LRP1B: variants seen among roughly 807,000 people sequenced by gnomAD.
The protein encoded by LRP1B is LDL receptor related protein 1B, also known as low-density lipoprotein receptor-related protein 1B.
In LRP1B, 217 loss-of-function variants were observed where a neutral mutation model predicts 556.6. The observed-to-expected ratio is 0.39, with a 90% CI of 0.35 to 0.44. LRP1B has a LOEUF of 0.44. LRP1B is among the 20% of genes least tolerant of loss of function. The pLI, the probability that LRP1B is intolerant of heterozygous loss-of-function variation, is 1.00. For synonymous variants in LRP1B, 2,047 were observed against 1,865.8 expected (o/e 1.10, Z -2.50); for missense variants, 5,053 against 5,620.8 (o/e 0.90, Z 3.23).
intron 6 of LRP1B, among the ~76,000 whole-genome samples, chr2:141,223,888 T>C (rs1168451193): frequency 6.6e-6 from 1 of 152,142 alleles, no homozygotes; most frequent in East Asian, 1.9e-4. Context: ...TAACTCAAGA[T>C]GGATTAAAGA....
At chr2:141,498,720 G>T (rs1195177148) in intron 2 of LRP1B, among the ~76,000 whole-genome samples, 3 of 152,014 alleles carry the variant, frequency 2.0e-5, no homozygotes, top group Non-Finnish European at 4.4e-5. Context: ...TATCTTTTCA[G>T]TCATTCCAGG....
chr2:142,107,794 A>ATTTT (rs67962280), intron 1 of LRP1B, among the ~76,000 whole-genome samples: 15 of 110,558 alleles, frequency 1.4e-4, no homozygotes, highest in African/African-American at 2.0e-4. Flanking sequence ...CGCCTAGCTA[A>ATTTT]TTTTTTTTTT....
At chr2:141,030,266 AG>A (rs1698329636) in intron 11 of LRP1B, among the ~76,000 whole-genome samples, 2 of 152,156 alleles carry the variant, frequency 1.3e-5, no homozygotes, top group Non-Finnish European at 2.9e-5. Context: ...TACTTTGAAA[AG>A]AAAAATGTTA....
chr2:142,059,257 G>C (rs1008611827), intron 1 of LRP1B, among the ~76,000 whole-genome samples: 1 of 152,048 alleles, frequency 6.6e-6, no homozygotes, highest in Non-Finnish European at 1.5e-5. Context: ...TATACTAAAA[G>C]TCATAATGAC....
intron 77 of LRP1B, among the ~76,000 whole-genome samples, chr2:140,347,978 G>A (rs1681769503): frequency 6.6e-6 from 1 of 151,904 alleles, no homozygotes; most frequent in African/African-American, 2.4e-5. Flanking sequence ...TAATTCATAA[G>A]ATAGAAAATC....
At chr2:141,488,908 TGA>T (rs1420700918) in intron 2 of LRP1B, among the ~76,000 whole-genome samples, 1 of 151,988 alleles carries the variant, frequency 6.6e-6, no homozygotes, top group Non-Finnish European at 1.5e-5. Flanking sequence ...AAGTTATACA[TGA>T]AGATTTCTAA....
chr2:141,818,572 T>G (rs1161611833), intron 1 of LRP1B, among the ~76,000 whole-genome samples: 1 of 139,006 alleles, frequency 7.2e-6, no homozygotes, highest in African/African-American at 2.7e-5. Context: ...AGTCTTGCTC[T>G]GTCACCCAGG....
At chr2:140,419,002 T>C (rs192456815) in intron 66 of LRP1B, among the ~76,000 whole-genome samples, 3,022 of 152,256 alleles carry the variant, frequency 0.02, 45 homozygotes, top group Non-Finnish European at 0.023. Flanking sequence ...GCTTTGCCTA[T>C]GGACTAAATA....
At chr2:141,879,416 C>T in intron 1 of LRP1B, among the ~76,000 whole-genome samples, 1 of 151,856 alleles carries the variant, frequency 6.6e-6, no homozygotes, top group East Asian at 1.9e-4. Flanking sequence ...GACAAAAATA[C>T]ATTAATTTTC....
intron 35 of LRP1B, among the ~76,000 whole-genome samples, chr2:140,753,097 T>C (rs1479386049): frequency 6.6e-6 from 1 of 152,280 alleles, no homozygotes; most frequent in African/African-American, 2.4e-5. Context: ...TAGTTTTACA[T>C]TTTCAAAAAA....
In LRP1B at chr2:140,716,096, A is replaced by G. The variant is rs1330799095; in HGVS notation, c.5900T>C (p.Ile1967Thr). 5 of 1,590,004 alleles carry G rather than the reference A, an allele frequency of 3.1e-6. No individual in the cohort carries two copies. The highest frequency in any genetic ancestry group is 2.6e-6 in the Non-Finnish European group (3 of 1,163,926). Reference sequence around the variant, plus strand: ...GTTGAAACCATGATCTGTCCAATATATGTTACCTAGGAGAAATAATAGAGG... The same window carrying G: ...GTTGAAACCATGATCTGTCCAATATGTGTTACCTAGGAGAAATAATAGAGG... ...GIAVDWIAGN[I>T]YWTDHGFNLI... Residue 1967 changes from isoleucine (I) to threonine (T), a missense_variant, in exon 37 of 91, where the codon ATA (isoleucine) becomes ACA (threonine). Transcript: ENST00000389484.
In LRP1B at chr2:140,905,355, C is replaced by A. The variant is rs146251087; in HGVS notation, c.3521-2190G>T. On this transcript the variant is annotated intron_variant, in intron 22 of 90. Coordinates refer to ENST00000389484, the MANE Select transcript of LRP1B (RefSeq NM_018557.3). ...CCACATTAAATTGTCTGCCTGAGAA[C>A]GCTCATGATGATAGGCAGATAGGCC... Among the ~76,000 whole-genome samples the A allele has an allele frequency of 1.3e-3, 201 of 152,200 alleles. 4 individuals are homozygous for A. The highest frequency in any genetic ancestry group is 0.011 in the Admixed American group (172 of 15,264).
chr2:140,250,540 A>G (rs1681367541), intron 86 of LRP1B, among the ~76,000 whole-genome samples: 1 of 150,706 alleles, frequency 6.6e-6, no homozygotes, highest in South Asian at 2.1e-4. Context: ...TTTTCCTAGC[A>G]TTATTTAATG....
At chr2:140,895,883 C>CT (rs1335138424) in intron 23 of LRP1B, among the ~76,000 whole-genome samples, 23 of 152,094 alleles carry the variant, frequency 1.5e-4, no homozygotes, top group Non-Finnish European at 5.9e-5. Context: ...TTTTTCTCTT[C>CT]TTCTCTGCTG....
intron 66 of LRP1B, among the ~76,000 whole-genome samples, chr2:140,432,500 C>CTAAT (rs1685994806): frequency 6.6e-6 from 1 of 152,142 alleles, no homozygotes; most frequent in Non-Finnish European, 1.5e-5. Context: ...CTGTGATTTC[C>CTAAT]TAATAGCCAG....
intron 68 of LRP1B, among the ~76,000 whole-genome samples, chr2:140,374,773 A>G (rs1683146449): frequency 6.6e-6 from 1 of 152,122 alleles, no homozygotes; most frequent in Non-Finnish European, 1.5e-5. Context: ...AGTATCTAAT[A>G]CTGTCACATG....
rs1245353860 is a variant in LRP1B, at chr2:140,884,010, T to A, written c.3976A>T (p.Ile1326Phe). ...KLSESGGVSA[I>F]EVVVEHGLAT... ...AGGCCATGCTCCACAACCACTTCAA[T>A]GGCACTGACACCTACAAAAGAAGGA... The change falls in exon 25 of 91, where the codon ATT becomes TTT. Residue 1326 changes from isoleucine (I) to phenylalanine (F), a missense_variant. Transcript: ENST00000389484. 8.1e-6 allele frequency: 13 copies of A among 1,612,332 alleles called. No homozygotes were observed. The Admixed American group carries it at 2.0e-4, about 25-fold the overall frequency.
intron 2 of LRP1B, among the ~76,000 whole-genome samples, chr2:141,781,549 G>A (rs1191704378): frequency 2.0e-5 from 3 of 152,122 alleles, no homozygotes; most frequent in African/African-American, 7.2e-5. Flanking sequence ...CTCTTCCCAG[G>A]TTTGGTCAAC....
At chr2:141,702,106 A>G (rs13412704) in intron 2 of LRP1B, among the ~76,000 whole-genome samples, 54,590 of 151,744 alleles carry the variant, frequency 0.36, 10,364 homozygotes, top group East Asian at 0.59. Context: ...TTAGAAGGGT[A>G]AAATGATGAT....
Sources: allele counts gnomAD v4.1 joint callset (sites outside exome capture counted in the v4.1 genomes callset), GRCh38; gene constraint gnomAD v4.1.1; transcripts MANE v1.5; gene names NCBI Gene and HGNC (gene_info 2026-07-23, HGNC 2026-07-21).